Variants in DRC5 observed in about 807,000 individuals in gnomAD.
DRC5 encodes the protein dynein regulatory complex subunit 5.
chr6:44,280,217 G>A, the DRC5 span: 7 of 1,614,098 alleles, frequency 4.3e-6, no homozygotes, highest in South Asian at 2.2e-5. Flanking sequence ...TGGCAGTTAT[G>A]GTTGACATGA....
At chr6:44,282,560 C>G in the DRC5 span, 1 of 1,581,602 alleles carries the variant, frequency 6.3e-7, no homozygotes, top group Non-Finnish European at 8.6e-7. Flanking sequence ...GCTTGAAGAT[C>G]TGTGGGCAGG....
the DRC5 span, chr6:44,279,765 G>GTGTT: frequency 5.9e-6 from 1 of 169,972 alleles, no homozygotes; most frequent in African/African-American, 2.4e-5. Flanking sequence ...GTGTGTGTGT[G>GTGTT]TGTGTGTGTG....
At chr6:44,281,081 G>A in the DRC5 span, among the ~76,000 whole-genome samples, 1 of 152,172 alleles carries the variant, frequency 6.6e-6, no homozygotes, top group East Asian at 1.9e-4. Context: ...CTGTGTAGGT[G>A]AGCAAGGCTG....
chr6:44,286,472 G>C, the DRC5 span: 3 of 1,614,092 alleles, frequency 1.9e-6, no homozygotes, highest in Admixed American at 1.7e-5. Flanking sequence ...TAGGTCAGGG[G>C]ACAGGTGGTT....
At chr6:44,290,334 G>A in the DRC5 span, among the ~76,000 whole-genome samples, 2 of 152,174 alleles carry the variant, frequency 1.3e-5, no homozygotes, top group African/African-American at 2.4e-5. Context: ...ATGGGCTGTA[G>A]TGGAGATCCC....
the DRC5 span, among the ~76,000 whole-genome samples, chr6:44,288,819 TC>T: frequency 6.6e-6 from 1 of 151,158 alleles, no homozygotes; most frequent in Non-Finnish European, 1.5e-5. Flanking sequence ...CATGGTGAAA[TC>T]CTGTCTCTAC....
At chr6:44,282,807 T>C in the DRC5 span, among the ~76,000 whole-genome samples, 1 of 143,926 alleles carries the variant, frequency 6.9e-6, no homozygotes, top group African/African-American at 2.6e-5. Context: ...ATCTTTTTTT[T>C]TTTTTTTTTT....
the DRC5 span, chr6:44,286,588 A>G: frequency 5.5e-4 from 830 of 1,498,954 alleles, 1 homozygote; most frequent in Non-Finnish European, 7.2e-4. Context: ...ACACCTCAAC[A>G]TGATGCCTCA....
chr6:44,287,179 A>G, the DRC5 span: 2 of 985,056 alleles, frequency 2.0e-6, no homozygotes, highest in Non-Finnish European at 2.4e-6. Context: ...GAACAAACCA[A>G]GAGCCCTTAC....
At chr6:44,290,191 C>T in the DRC5 span, among the ~76,000 whole-genome samples, 1 of 152,002 alleles carries the variant, frequency 6.6e-6, no homozygotes. Flanking sequence ...GAGGGGGTTG[C>T]TGCTTAGTGG....
the DRC5 span, among the ~76,000 whole-genome samples, chr6:44,281,252 G>C: frequency 6.6e-6 from 1 of 152,214 alleles, no homozygotes. Flanking sequence ...TTGTGACCCA[G>C]TAGTGTGTTG....
At chr6:44,296,077 C>T in the DRC5 span, among the ~76,000 whole-genome samples, 1 of 152,170 alleles carries the variant, frequency 6.6e-6, no homozygotes, top group Non-Finnish European at 1.5e-5. Flanking sequence ...AATGAGGAAA[C>T]TGAAACTTAG....
chr6:44,293,306 C>CAAAAA, the DRC5 span, among the ~76,000 whole-genome samples: 1 of 88,864 alleles, frequency 1.1e-5, no homozygotes, highest in Admixed American at 1.2e-4. Context: ...ACTATCCTCT[C>CAAAAA]AAAAAAAAAA....
chr6:44,286,612 TG>T, the DRC5 span: 7 of 1,323,022 alleles, frequency 5.3e-6, no homozygotes, highest in Non-Finnish European at 7.3e-6. Context: ...TGGGCCTGCC[TG>T]GGAGCACCAG....
At chr6:44,289,758 G>A in the DRC5 span, among the ~76,000 whole-genome samples, 3 of 152,314 alleles carry the variant, frequency 2.0e-5, no homozygotes, top group East Asian at 1.9e-4. Context: ...GTCTTGGTCC[G>A]GGGACCCTCC....
At chr6:44,289,028 ACAGGT>A in the DRC5 span, among the ~76,000 whole-genome samples, 2 of 137,644 alleles carry the variant, frequency 1.5e-5, no homozygotes, top group South Asian at 2.3e-4. Context: ...AAAAAGAAAA[ACAGGT>A]GAAATTAGCT....
At chr6:44,282,685 C>G in the DRC5 span, 1 of 703,294 alleles carries the variant, frequency 1.4e-6, no homozygotes, top group Middle Eastern at 3.6e-4. Context: ...GGGGCCAGGC[C>G]TACCAGCATG....
chr6:44,285,821 T>C, the DRC5 span: 1 of 749,044 alleles, frequency 1.3e-6, no homozygotes, highest in South Asian at 1.8e-5. Context: ...CCGTGTATCT[T>C]GGTGCAGGGT....
chr6:44,289,739 A>G, the DRC5 span, among the ~76,000 whole-genome samples: 1 of 152,232 alleles, frequency 6.6e-6, no homozygotes, highest in Admixed American at 6.5e-5. Context: ...GACAGAAGAT[A>G]GAGGATGTGT....
Sources: allele counts gnomAD v4.1 joint callset (sites outside exome capture counted in the v4.1 genomes callset), GRCh38; gene constraint gnomAD v4.1.1; transcripts MANE v1.5; gene names NCBI Gene and HGNC (gene_info 2026-07-23, HGNC 2026-07-21).